TIMELESS: variants seen among roughly 807,000 people sequenced by gnomAD.
TIMELESS encodes the protein timeless circadian regulator, also known as protein timeless homolog.
In TIMELESS, 124 loss-of-function variants were observed where a neutral mutation model predicts 164.3. That is an observed-to-expected ratio of 0.75 (90% CI 0.65 to 0.88). The LOEUF is 0.88. TIMELESS is among the 40% of genes least tolerant of loss of function. The probability of loss-of-function intolerance (pLI) is 0.00; values close to 1 mark genes in which losing one functional copy is unlikely to be tolerated. For missense variants in TIMELESS, 1,422 were observed against 1,491.4 expected, an observed-to-expected ratio of 0.95 and a Z score of 0.77; for synonymous variants, 564 against 563.4, an observed-to-expected ratio of 1.00 and a Z score of -0.02.
At chr12:56,449,079 T>A (rs968047505) in intron 1 of TIMELESS, among the ~76,000 whole-genome samples, 1 of 152,180 alleles carries the variant, frequency 6.6e-6, no homozygotes, top group African/African-American at 2.4e-5. Context: ...AGACCCAAGC[T>A]GTGCGGAGCA....
In TIMELESS at chr12:56,434,067, T is replaced by TACTC. The variant is rs768261141; in HGVS notation, c.97+3_97+6dup. Reference sequence around the variant, plus strand: ...TTTTTTTCCTGTTTCATCAAAAAGGTACTCACCTAAGCAATCTGGTTCCTT... The same window carrying TACTC: ...TTTTTTTCCTGTTTCATCAAAAAGGTACTCACTCACCTAAGCAATCTGGTTCCTT... On this transcript the variant is annotated splice_region_variant and intron_variant, in intron 2 of 28. Coordinates refer to ENST00000553532, the MANE Select transcript of TIMELESS (RefSeq NM_003920.5). 5 of 1,613,678 alleles carry TACTC rather than the reference T, an allele frequency of 3.1e-6. No homozygotes were observed. The East Asian group carries it at 1.1e-4, about 36-fold the overall frequency.
At position 56,437,180 on chromosome 12, in the gene TIMELESS, C is replaced by T. The variant is rs182708932; in HGVS notation, c.-61-2949G>A. 1.2e-3 allele frequency among the ~76,000 whole-genome samples: 176 copies of T among 152,288 alleles called. 1 individual carries two copies. The highest frequency in any genetic ancestry group is 6.4e-3 in the East Asian group (33 of 5,186). On this transcript the variant is annotated intron_variant, in intron 1 of 28. Transcript: ENST00000553532. ...CTGACCTCAGGTGATCCACACACCT[C>T]GGCCTCCCAAAGTGCTGGGATTACA...
In TIMELESS at chr12:56,422,020, G is replaced by C; in HGVS notation, c.2525-4C>G. The C allele has an allele frequency of 6.2e-7, 1 of 1,613,942 alleles. No individual in the cohort carries two copies. Among genetic ancestry groups the C allele is most frequent in the Non-Finnish European group, 8.5e-7 (1 of 1,179,850 alleles). On this transcript the variant is annotated splice_region_variant and splice_polypyrimidine_tract_variant and intron_variant, in intron 20 of 28. Coordinates refer to ENST00000553532, the MANE Select transcript of TIMELESS (RefSeq NM_003920.5). The stretch of plus-strand genomic sequence containing the variant: ...ATGGCTTCCACCACATCCTGCCCTG[G>C]CGTGGGGAAGGACTAAGGCAGTAAA...
chr12:56,439,785 A>G (rs1462102189), intron 1 of TIMELESS, among the ~76,000 whole-genome samples: 1 of 152,232 alleles, frequency 6.6e-6, no homozygotes, highest in Non-Finnish European at 1.5e-5. Flanking sequence ...CACAATTACT[A>G]TACGCATTCT....
rs748124346 is a variant in TIMELESS, at chr12:56,422,175, C to T, written c.2455G>A (p.Ala819Thr). The stretch of plus-strand genomic sequence containing the variant: ...TCTTCTTCGGGGCTCCATGTAGGTG[C>T]TCTGCGACTGGAAGACCTGAATGGT... The part of the protein sequence containing the change: ...SLDDRSSSRR[A>T]PTWSPEEEAH... The change falls in exon 20 of 29, where the codon GCA (alanine) becomes ACA (threonine). Residue 819 changes from alanine (A) to threonine (T), a missense_variant. Ala to Thr is a moderately conservative substitution (Grantham distance 58, BLOSUM62 0). Coordinates refer to ENST00000553532, the MANE Select transcript of TIMELESS (RefSeq NM_003920.5). The T allele has an allele frequency of 6.2e-7, 1 of 1,614,048 alleles. No individual in the cohort carries two copies. Among genetic ancestry groups the T allele is most frequent in the Non-Finnish European group, 8.5e-7 (1 of 1,180,016 alleles).
At chr12:56,425,956 T>C (rs1881663839) in intron 13 of TIMELESS, among the ~76,000 whole-genome samples, 1 of 151,952 alleles carries the variant, frequency 6.6e-6, no homozygotes, top group Non-Finnish European at 1.5e-5. Flanking sequence ...TTCTCCCAAG[T>C]CAGGGCTGTG....
At chr12:56,421,565 T>C (rs1327483487) in intron 22 of TIMELESS, 72 bp from the exon 23 acceptor site, 8 of 1,561,758 alleles carry the variant, frequency 5.1e-6, no homozygotes, top group Non-Finnish European at 7.0e-6. Context: ...CAGAGGTCTC[T>C]GGAAAGAGGG....
At position 56,421,845 on chromosome 12, in the gene TIMELESS, G is replaced by A. The variant is rs373531299; in HGVS notation, c.2643-36C>T. 34 of 1,613,630 alleles carry A rather than the reference G, an allele frequency of 2.1e-5. No individual in the cohort carries two copies. In the African/African-American group the frequency reaches 4.3e-4, roughly 20 times the overall value. On this transcript the variant is annotated intron_variant, in intron 21 of 28. Coordinates refer to ENST00000553532, the MANE Select transcript of TIMELESS (RefSeq NM_003920.5). ...AGGTGTCAGTGGAAGAGGAAGCCCA[G>A]GAAGTGATCACGAGTCCCCATCCCA...
At chr12:56,427,449 T>C (rs917551769) in intron 13 of TIMELESS, among the ~76,000 whole-genome samples, 2 of 152,220 alleles carry the variant, frequency 1.3e-5, no homozygotes, top group African/African-American at 2.4e-5. Context: ...CTGATTCCAC[T>C]TTGGGTTCAT....
At chr12:56,437,383 T>C (rs1223237430) in intron 1 of TIMELESS, among the ~76,000 whole-genome samples, 2 of 151,834 alleles carry the variant, frequency 1.3e-5, no homozygotes, top group African/African-American at 4.8e-5. Context: ...AGTAATACCT[T>C]TTCCTAGTAC....
chr12:56,442,063 G>A lies in TIMELESS; in HGVS notation c.-62+7247C>T, dbSNP rs143874313. ...CGTGCCACTGCACTCCAGCCTGGGC[G>A]ACAGAGTGAGACTCCGTCTCAAAAA... is the stretch of plus-strand genomic sequence containing the variant. On this transcript the variant is annotated intron_variant, in intron 1 of 28. Coordinates refer to ENST00000553532, the MANE Select transcript of TIMELESS (RefSeq NM_003920.5). 2.8e-3 allele frequency among the ~76,000 whole-genome samples: 311 copies of A among 112,072 alleles called. 5 individuals are homozygous for A. The East Asian group carries it at 0.04, about 14-fold the overall frequency. 73.5% of individuals were successfully genotyped at this position (112,072 alleles called of 152,430 possible).
At position 56,418,025 on chromosome 12, in the gene TIMELESS, T is replaced by C. The variant is rs766989680; in HGVS notation, c.3455-17A>G. ...CGTCTTCCTCTGCAATGACCATAAA[T>C]GACACAAAATTAGGAACTCGGTCCT... is the stretch of plus-strand genomic sequence containing the variant. On this transcript the variant is annotated splice_polypyrimidine_tract_variant and intron_variant, in intron 27 of 28. Coordinates refer to ENST00000553532, the MANE Select transcript of TIMELESS (RefSeq NM_003920.5). 4 of 1,614,184 alleles carry C rather than the reference T, an allele frequency of 2.5e-6. No individual in the cohort carries two copies. The highest frequency in any genetic ancestry group is 2.5e-6 in the Non-Finnish European group (3 of 1,180,026).
At chr12:56,433,712 C>T (rs1881973169) in intron 3 of TIMELESS, 60 bp from the exon 4 acceptor site, 6 of 1,613,438 alleles carry the variant, frequency 3.7e-6, no homozygotes, top group Non-Finnish European at 5.1e-6. Context: ...AAACGCCAAA[C>T]CTATCAGCTC....
At chr12:56,442,083 C>CA (rs34126247) in intron 1 of TIMELESS, among the ~76,000 whole-genome samples, 71,562 of 93,936 alleles carry the variant, frequency 0.76, 27,753 homozygotes, top group East Asian at 0.87. Flanking sequence ...GACTCCGTCT[C>CA]AAAAAAAAAA....
chr12:56,433,897 T>A lies in TIMELESS; in HGVS notation c.127A>T (p.Arg43Trp). 1 of 1,614,010 alleles carries A rather than the reference T, an allele frequency of 6.2e-7. No homozygotes were observed. Among genetic ancestry groups the A allele is most frequent in the Non-Finnish European group, 8.5e-7 (1 of 1,179,974 alleles). Residue 43 changes from arginine (R) to tryptophan (W), a missense_variant, in exon 3 of 29, where the codon AGG becomes TGG. By Grantham distance (101) the Arg-to-Trp change is moderately radical. Transcript: ENST00000553532. ...ESVKDLIRYL[R>W]HEDETRDVRQ... The stretch of plus-strand genomic sequence containing the variant: ...ACATCTCGTGTCTCATCCTCATGCC[T>A]CAAATAGCGGATCAGATCCTTCACG...
rs768499474 is a variant in TIMELESS, at chr12:56,434,133, G to C, written c.38C>G (p.Thr13Arg). 6.2e-7 allele frequency: 1 copy of C among 1,614,220 alleles called. No homozygotes were observed. Among genetic ancestry groups the C allele is most frequent in the East Asian group, 2.2e-5 (1 of 44,890 alleles). The change falls in exon 2 of 29, where the codon ACA (threonine) becomes AGA (arginine). Residue 13 changes from threonine to arginine, a missense_variant. Thr to Arg is a moderately conservative substitution (Grantham distance 71). Coordinates refer to ENST00000553532, the MANE Select transcript of TIMELESS (RefSeq NM_003920.5). The part of the protein sequence containing the change: ...LHMMNCELLA[T>R]CSALGYLEGD... ...CTCCAAGTACCCAAGGGCACTACAT[G>C]TGGCTAGAAGTTCACAGTTCATCAT...
chr12:56,443,393 T>C (rs998941613), intron 1 of TIMELESS, among the ~76,000 whole-genome samples: 7 of 152,224 alleles, frequency 4.6e-5, no homozygotes, highest in African/African-American at 1.4e-4. Flanking sequence ...TCAGGCTTAC[T>C]AGGATTGGGA....
At chr12:56,445,892 CTT>C (rs1431864790) in intron 1 of TIMELESS, among the ~76,000 whole-genome samples, 1 of 152,160 alleles carries the variant, frequency 6.6e-6, no homozygotes, top group Non-Finnish European at 1.5e-5. Context: ...TTCCTATCCT[CTT>C]TCTCTGCCTC....
chr12:56,430,820 A>G (rs1881850619), intron 9 of TIMELESS, 61 bp downstream of exon 9: 1 of 1,183,200 alleles, frequency 8.5e-7, no homozygotes, highest in East Asian at 2.6e-5. Flanking sequence ...TCTTAAGATG[A>G]TTACCCTGCT....
Sources: gnomAD v4.1 joint callset for allele counts (sites outside exome capture counted in the v4.1 genomes callset) on GRCh38, gnomAD v4.1.1 for gene constraint, MANE v1.5 for transcripts, NCBI Gene and HGNC (gene_info 2026-07-23, HGNC 2026-07-21) for gene names.